The following LPIN2 variants were observed in gnomAD, a reference collection of about 807,000 sequenced individuals.
The protein encoded by LPIN2 is lipin 2.
A neutral mutation model predicts 111.4 loss-of-function variants in LPIN2; 55 were observed. The ratio of observed to expected loss-of-function variants is 0.49; its 90% CI spans 0.40 to 0.62. The LOEUF is 0.62. Ranked by LOEUF, LPIN2 falls within the 20% of genes least tolerant of loss-of-function variation. The pLI is 0.00. For missense variants in LPIN2, 992 were observed against 1,112.1 expected (o/e 0.89, Z 1.54); for synonymous variants, 425 against 414.0 (o/e 1.03, Z -0.32).
At chr18:3,006,956 C>A (rs1388322925) in intron 1 of LPIN2, among the ~76,000 whole-genome samples, 1 of 151,722 alleles carries the variant, frequency 6.6e-6, no homozygotes, top group East Asian at 1.9e-4. Flanking sequence ...GCTGAGATAG[C>A]CCCACTGCAC....
intron 1 of LPIN2, among the ~76,000 whole-genome samples, chr18:2,991,750 G>C (rs1446281528): frequency 6.6e-6 from 1 of 152,012 alleles, no homozygotes; most frequent in Non-Finnish European, 1.5e-5. Flanking sequence ...AGTGGCTCAC[G>C]CCTATAATCT....
At chr18:2,947,665 A>C (rs777493949) in intron 4 of LPIN2, among the ~76,000 whole-genome samples, 29 of 152,238 alleles carry the variant, frequency 1.9e-4, no homozygotes, top group Non-Finnish European at 4.0e-4. Context: ...TGTCAAAACA[A>C]AACAGAAACC....
At position 2,951,230 on chromosome 18, in the gene LPIN2, GTGAGATGTCTGAACTC is replaced by G; in HGVS notation, c.399_414del (p.Gln133HisfsTer15). The G allele has an allele frequency of 6.2e-7, 1 of 1,614,094 alleles. No homozygotes were observed. The highest frequency in any genetic ancestry group is 8.5e-7 in the Non-Finnish European group (1 of 1,180,022). ...AAAATTGTCTCTGTTTCCAAGACGT[GTGAGATGTCTGAACTC>G]TGAGATGGTGTTTCATCTCCACCCG... On this transcript the variant is annotated frameshift_variant, in exon 4 of 20. Transcript: ENST00000677752. LOFTEE classifies it high-confidence loss of function.
chr18:3,002,236 CAAA>C lies in LPIN2; in HGVS notation c.-10+10848_-10+10850del, dbSNP rs765641037. ...TTTAAAAGGATGACCTTCAAAAGACCAAAAAAAAAAAAAAAAAAAAAACCCACC... is the reference window on the plus strand; with the variant it reads ...TTTAAAAGGATGACCTTCAAAAGACCAAAAAAAAAAAAAAAAAAACCCACC... On this transcript the variant is annotated intron_variant, in intron 1 of 19. Transcript: ENST00000677752. Among the ~76,000 whole-genome samples the C allele has an allele frequency of 8.5e-3, 705 of 82,794 alleles. 26 individuals carry two copies. In the East Asian group the frequency reaches 0.12, roughly 14 times the overall value. The allele number at this position is 82,794 out of a possible 152,430, so 54.3% of individuals were successfully genotyped here.
chr18:2,960,452 T>C (rs2077695137), intron 2 of LPIN2, among the ~76,000 whole-genome samples, 197 bp downstream of exon 2: 1 of 151,186 alleles, frequency 6.6e-6, no homozygotes, highest in Admixed American at 6.6e-5. Flanking sequence ...GTTTTCAAAG[T>C]AACTTCAAAA....
At chr18:2,949,049 C>A (rs567134009) in intron 4 of LPIN2, among the ~76,000 whole-genome samples, 3 of 152,110 alleles carry the variant, frequency 2.0e-5, no homozygotes, top group Non-Finnish European at 4.4e-5. Context: ...GTGATCCTCC[C>A]GCCTTGGCCT....
chr18:2,949,729 GAATT>G (rs890615420), intron 4 of LPIN2, among the ~76,000 whole-genome samples: 2 of 152,156 alleles, frequency 1.3e-5, no homozygotes, highest in African/African-American at 2.4e-5. Context: ...TTTGGAAAAT[GAATT>G]GTTTTACAAA....
intron 4 of LPIN2, among the ~76,000 whole-genome samples, chr18:2,944,558 G>A (rs9748874): frequency 0.56 from 84,752 of 151,252 alleles, 24,182 homozygotes; most frequent in Non-Finnish European, 0.62. Context: ...CACCGTGTTA[G>A]CCAGGATGGT....
intron 1 of LPIN2, among the ~76,000 whole-genome samples, chr18:2,964,146 G>GA (rs985194584): frequency 2.0e-5 from 3 of 151,518 alleles, no homozygotes; most frequent in Non-Finnish European, 2.9e-5. Flanking sequence ...AGCCGGGCGT[G>GA]ATGGCGTGCG....
Position 2,931,762 on chromosome 18 carries a change from A to G in LPIN2, c.1269-319T>C, listed in dbSNP as rs572631546. Among the ~76,000 whole-genome samples the G allele has an allele frequency of 7.9e-5, 12 of 152,242 alleles. 1 individual carries two copies. In the South Asian group the frequency reaches 1.2e-3, roughly 16 times the overall value. On this transcript the variant is annotated intron_variant, in intron 8 of 19. Transcript: ENST00000677752. Reference sequence around the variant, plus strand: ...TTTTAATTAAAGGAGTAAAATAGTTATAAGTATTTATTTACATTTCCATGA... The same window carrying G: ...TTTTAATTAAAGGAGTAAAATAGTTGTAAGTATTTATTTACATTTCCATGA...
intron 1 of LPIN2, among the ~76,000 whole-genome samples, chr18:2,992,873 C>A (rs2078285114): frequency 6.6e-6 from 1 of 151,136 alleles, no homozygotes; most frequent in African/African-American, 2.4e-5. Context: ...GTAGTCCCAG[C>A]TACTCGGGAG....
chr18:2,996,363 C>T (rs183572970), intron 1 of LPIN2, among the ~76,000 whole-genome samples: 69 of 150,562 alleles, frequency 4.6e-4, no homozygotes, highest in Non-Finnish European at 8.0e-4. Flanking sequence ...TACATTGGTT[C>T]TTTTATAATG....
chr18:3,011,246 G>C (rs1418600349), intron 1 of LPIN2, among the ~76,000 whole-genome samples: 1 of 152,172 alleles, frequency 6.6e-6, no homozygotes, highest in Non-Finnish European at 1.5e-5. Flanking sequence ...TAGTATTAAA[G>C]GGTTTTCAAA....
chr18:2,941,592 G>A (rs543266486), intron 4 of LPIN2, among the ~76,000 whole-genome samples: 1 of 152,290 alleles, frequency 6.6e-6, no homozygotes, highest in East Asian at 1.9e-4. Context: ...GTTACATGGT[G>A]TAGCATGTTG....
At chr18:2,994,615 T>TAC in intron 1 of LPIN2, among the ~76,000 whole-genome samples, 1 of 152,382 alleles carries the variant, frequency 6.6e-6, no homozygotes, top group Non-Finnish European at 1.5e-5. Context: ...TCTTTGGATT[T>TAC]ACAGCTTTTA....
At chr18:2,956,311 G>GGTGGGTGTGT in intron 2 of LPIN2, among the ~76,000 whole-genome samples, 2 of 144,050 alleles carry the variant, frequency 1.4e-5, no homozygotes, top group South Asian at 4.4e-4. Flanking sequence ...TAGATGCAGG[G>GGTGGGTGTGT]GTGTGTGTGT....
chr18:2,953,179 A>G (rs1336624433), intron 3 of LPIN2, among the ~76,000 whole-genome samples: 3 of 152,216 alleles, frequency 2.0e-5, no homozygotes, highest in African/African-American at 7.2e-5. Flanking sequence ...AAAAGGCTGG[A>G]AAGTTGACAT....
intron 1 of LPIN2, among the ~76,000 whole-genome samples, chr18:3,001,141 T>TA (rs1277283340): frequency 6.6e-6 from 1 of 152,206 alleles, no homozygotes; most frequent in Non-Finnish European, 1.5e-5. Flanking sequence ...TTCAGACACG[T>TA]AAGCTCTCAA....
At chr18:2,964,092 G>C (rs762788023) in intron 1 of LPIN2, among the ~76,000 whole-genome samples, 1 of 151,488 alleles carries the variant, frequency 6.6e-6, no homozygotes, top group Non-Finnish European at 1.5e-5. Flanking sequence ...GACCAGCCTG[G>C]CCAACACGGT....
Sources: gnomAD v4.1 joint callset for allele counts (sites outside exome capture counted in the v4.1 genomes callset) on GRCh38, gnomAD v4.1.1 for gene constraint, MANE v1.5 for transcripts, NCBI Gene and HGNC (gene_info 2026-07-23, HGNC 2026-07-21) for gene names.